The following ADK variants were observed in gnomAD, a reference collection of about 807,000 sequenced individuals.
The protein encoded by ADK is N6,N6-dimethyladenosine kinase.
In ADK, 24 loss-of-function variants were observed where a neutral mutation model predicts 44.7. The ratio of observed to expected loss-of-function variants is 0.54; its 90% confidence interval spans 0.39 to 0.76. ADK has a LOEUF of 0.76. ADK is among the 30% of genes least tolerant of loss of function. The probability of loss-of-function intolerance (pLI) is 0.00; values close to 1 mark genes in which losing one functional copy is unlikely to be tolerated. For synonymous variants in ADK, 128 were observed against 142.6 expected, an observed-to-expected ratio of 0.90 and a Z score of 0.73; for missense variants, 321 against 425.1, an observed-to-expected ratio of 0.76 and a Z score of 2.15.
chr10:74,681,924 G>C (rs922715110), intron 10 of ADK, among the ~76,000 whole-genome samples: 2 of 151,850 alleles, frequency 1.3e-5, no homozygotes, highest in Non-Finnish European at 2.9e-5. Flanking sequence ...TAGGTCAAGA[G>C]TCAATATCCC....
At chr10:74,483,178 G>T (rs1449333731) in intron 6 of ADK, among the ~76,000 whole-genome samples, 2 of 152,174 alleles carry the variant, frequency 1.3e-5, no homozygotes, top group Admixed American at 1.3e-4. Context: ...CTAGGCAGAG[G>T]CTCCCAAGCC....
chr10:74,233,639 A>G (rs989183415), intron 3 of ADK, among the ~76,000 whole-genome samples: 1 of 152,160 alleles, frequency 6.6e-6, no homozygotes, highest in Non-Finnish European at 1.5e-5. Context: ...TAATACCTTA[A>G]CTTTGTTTAA....
At chr10:74,405,189 T>C (rs1843872161) in intron 6 of ADK, among the ~76,000 whole-genome samples, 1 of 152,094 alleles carries the variant, frequency 6.6e-6, no homozygotes, top group South Asian at 2.1e-4. Context: ...TATTTCTTAC[T>C]ACTGGGGGAA....
chr10:74,216,421 C>T (rs563313938), intron 2 of ADK, among the ~76,000 whole-genome samples: 5 of 152,036 alleles, frequency 3.3e-5, no homozygotes, highest in South Asian at 2.1e-4. Context: ...AATGTTGGTA[C>T]ATTATTAAAC....
intron 6 of ADK, among the ~76,000 whole-genome samples, chr10:74,474,806 G>A (rs996736279): frequency 6.6e-6 from 1 of 152,130 alleles, no homozygotes; most frequent in African/African-American, 2.4e-5. Context: ...TTACAGGCCT[G>A]AGCCACTACA....
intron 3 of ADK, among the ~76,000 whole-genome samples, chr10:74,308,148 A>G (rs955589601): frequency 1.3e-5 from 2 of 152,204 alleles, no homozygotes; most frequent in African/African-American, 4.8e-5. Flanking sequence ...GCTTTTCAGC[A>G]GTATATTTGA....
intron 7 of ADK, among the ~76,000 whole-genome samples, chr10:74,569,603 C>T (rs7918003): frequency 0.23 from 34,504 of 152,046 alleles, 4,865 homozygotes; most frequent in East Asian, 0.63. Flanking sequence ...TCATATCCTT[C>T]GCCCACTTTT....
At chr10:74,540,639 T>C (rs1849596196) in intron 7 of ADK, among the ~76,000 whole-genome samples, 1 of 152,110 alleles carries the variant, frequency 6.6e-6, no homozygotes, top group Non-Finnish European at 1.5e-5. Context: ...TTTGTATTTT[T>C]AGTAGAGATG....
At chr10:74,688,474 A>C (rs1460844464) in intron 10 of ADK, among the ~76,000 whole-genome samples, 5 of 152,322 alleles carry the variant, frequency 3.3e-5, no homozygotes, top group Admixed American at 2.0e-4. Flanking sequence ...CACAGCTGCA[A>C]ACCGATTTGC....
chr10:74,493,483 TATATAGATATAGAGAGAG>T (rs999386436), intron 6 of ADK, among the ~76,000 whole-genome samples: 5 of 151,232 alleles, frequency 3.3e-5, no homozygotes, highest in African/African-American at 1.2e-4. Flanking sequence ...TATAGAGAGA[TATATAGATATAGAGAGAG>T]ATATAGATAT....
chr10:74,214,074 T>C (rs1157362992), intron 2 of ADK, among the ~76,000 whole-genome samples: 1 of 152,200 alleles, frequency 6.6e-6, no homozygotes, highest in African/African-American at 2.4e-5. Context: ...CTTTCTCTAA[T>C]TGAGTTTTAA....
At chr10:74,580,646 G>C (rs1185019073) in intron 7 of ADK, among the ~76,000 whole-genome samples, 2 of 151,274 alleles carry the variant, frequency 1.3e-5, no homozygotes, top group Non-Finnish European at 2.9e-5. Context: ...TGTAAGATGT[G>C]ACGTGCTCCT....
chr10:74,421,295 T>C (rs1844546682), intron 6 of ADK, among the ~76,000 whole-genome samples: 2 of 152,262 alleles, frequency 1.3e-5, no homozygotes, highest in Non-Finnish European at 2.9e-5. Context: ...CCTCTTTACA[T>C]GTATCCTGGG....
chr10:74,330,614 AT>A (rs1004389536), intron 4 of ADK, among the ~76,000 whole-genome samples: 2 of 152,060 alleles, frequency 1.3e-5, no homozygotes, highest in African/African-American at 4.8e-5. Flanking sequence ...CTTCCATATT[AT>A]TTTTTCTTGG....
intron 6 of ADK, among the ~76,000 whole-genome samples, chr10:74,497,915 A>G (rs1589173788): frequency 6.6e-6 from 1 of 150,628 alleles, no homozygotes; most frequent in East Asian, 1.9e-4. Context: ...TTTGAGACGG[A>G]GTCTCACTCT....
At chr10:74,314,791 GA>G (rs748691633) in intron 4 of ADK, 46 bp downstream of exon 4, 1 of 1,345,206 alleles carries the variant, frequency 7.4e-7, no homozygotes, top group Non-Finnish European at 1.1e-6. Flanking sequence ...AATGATTCTA[GA>G]CCCATGTCTA....
At chr10:74,314,456 A>G (rs958133477) in intron 3 of ADK, among the ~76,000 whole-genome samples, 1 of 152,046 alleles carries the variant, frequency 6.6e-6, no homozygotes, top group Non-Finnish European at 1.5e-5. Flanking sequence ...TAAATTCTTA[A>G]ATTCTTATAG....
At chr10:74,524,735 A>G (rs555817193) in intron 6 of ADK, among the ~76,000 whole-genome samples, 3 of 152,154 alleles carry the variant, frequency 2.0e-5, no homozygotes, top group Non-Finnish European at 2.9e-5. Flanking sequence ...AAAGTCACTT[A>G]TAAGAATACA....
chr10:74,487,610 A>T (rs919716390), intron 6 of ADK, among the ~76,000 whole-genome samples: 9 of 151,774 alleles, frequency 5.9e-5, no homozygotes, highest in African/African-American at 2.2e-4. Context: ...ACCTGTAGAA[A>T]CTTCCCACTG....
Sources: allele counts gnomAD v4.1 joint callset (sites outside exome capture counted in the v4.1 genomes callset), GRCh38; gene constraint gnomAD v4.1.1; transcripts MANE v1.5; gene names NCBI Gene and HGNC (gene_info 2026-07-23, HGNC 2026-07-21).